Variants in PLA2G10 observed in about 807,000 individuals in gnomAD.
PLA2G10 encodes group 10 secretory phospholipase A2.
Under a neutral mutation model 7.9 loss-of-function variants are expected in PLA2G10, and 9 were observed. The ratio of observed to expected loss-of-function variants is 1.14; its 90% CI spans 0.68 to 1.98. PLA2G10 has a LOEUF of 1.98. Among genes scored for constraint, PLA2G10 ranks in the 30% most tolerant of loss-of-function variants. PLA2G10 has a pLI of 0.00. For synonymous variants in PLA2G10, 19 were observed against 27.5 expected (o/e 0.69, Z 0.97); for missense variants, 53 against 65.4 (o/e 0.81, Z 0.66).
chr16:14,685,678 A>C (rs1961036255), intron 3 of PLA2G10, among the ~76,000 whole-genome samples: 1 of 152,060 alleles, frequency 6.6e-6, no homozygotes, highest in African/African-American at 2.4e-5. Flanking sequence ...ATTTTGTGTT[A>C]TGTCTATTTT....
intron 3 of PLA2G10, among the ~76,000 whole-genome samples, chr16:14,676,671 T>A (rs990983606): frequency 1.9e-4 from 29 of 151,882 alleles, no homozygotes; most frequent in African/African-American, 7.0e-4. Flanking sequence ...AGAACAAGAC[T>A]CCTTCTCAAA....
chr16:14,686,456 T>C (rs1961067648), intron 3 of PLA2G10, among the ~76,000 whole-genome samples: 1 of 152,124 alleles, frequency 6.6e-6, no homozygotes, highest in African/African-American at 2.4e-5. Flanking sequence ...CTTTCTTATT[T>C]ATTTGAAGGG....
At chr16:14,679,993 CT>C (rs1567503737) in intron 3 of PLA2G10, among the ~76,000 whole-genome samples, 2 of 152,112 alleles carry the variant, frequency 1.3e-5, no homozygotes, top group Admixed American at 1.3e-4. Context: ...TATACGTGAC[CT>C]CTTTTTTGTA....
intron 3 of PLA2G10, among the ~76,000 whole-genome samples, chr16:14,681,207 G>T (rs570074588): frequency 6.6e-6 from 1 of 150,474 alleles, no homozygotes; most frequent in East Asian, 2.0e-4. Flanking sequence ...GGAGGGGGGA[G>T]AGAGAGAGAG....
intron 3 of PLA2G10, among the ~76,000 whole-genome samples, chr16:14,679,839 G>A (rs1960838650): frequency 6.6e-6 from 1 of 152,010 alleles, no homozygotes; most frequent in African/African-American, 2.4e-5. Context: ...GACAGATCGA[G>A]ATGGTCACCA....
At chr16:14,675,662 C>G (rs1597006307) in intron 3 of PLA2G10, among the ~76,000 whole-genome samples, 1 of 146,686 alleles carries the variant, frequency 6.8e-6, no homozygotes, top group African/African-American at 2.5e-5. Flanking sequence ...GGCACATGGC[C>G]AGGCACGATG....
intron 3 of PLA2G10, among the ~76,000 whole-genome samples, chr16:14,682,459 C>T (rs1960919607): frequency 6.6e-6 from 1 of 152,020 alleles, no homozygotes; most frequent in Non-Finnish European, 1.5e-5. Context: ...CCTCTAGTCC[C>T]AGCTACTCAG....
rs192235371 is a variant in PLA2G10, at chr16:14,672,564, C to T, written c.*43G>A. 181 of 1,598,326 alleles carry T rather than the reference C, an allele frequency of 1.1e-4. No individual in the cohort carries two copies. In the East Asian group the frequency reaches 1.7e-3, roughly 15 times the overall value. On this transcript the variant is annotated 3_prime_UTR_variant, in exon 4 of 4. Transcript: ENST00000438167. ...ATGCTGTTGTTCATTACTGAGAGGA[C>T]GCTTTATTTCCTTGTGCAAAAGAGC... is the stretch of plus-strand genomic sequence containing the variant.
At chr16:14,678,102 T>A (rs527793501) in intron 3 of PLA2G10, among the ~76,000 whole-genome samples, 98 of 152,062 alleles carry the variant, frequency 6.4e-4, no homozygotes, top group South Asian at 8.3e-4. Flanking sequence ...CTCAGAGAAA[T>A]ATGATGTAGT....
intron 3 of PLA2G10, among the ~76,000 whole-genome samples, chr16:14,681,562 G>T (rs1036059755): frequency 6.6e-6 from 1 of 151,844 alleles, no homozygotes; most frequent in African/African-American, 2.4e-5. Flanking sequence ...TAGCTCCCGA[G>T]GCTTAAGTTT....
At chr16:14,674,598 G>T (rs895863554) in intron 3 of PLA2G10, among the ~76,000 whole-genome samples, 4 of 152,068 alleles carry the variant, frequency 2.6e-5, no homozygotes, top group African/African-American at 9.7e-5. Flanking sequence ...CTGATCGGGA[G>T]GCTAAGGCAG....
chr16:14,684,224 G>A (rs986331065), intron 3 of PLA2G10, among the ~76,000 whole-genome samples: 2 of 151,412 alleles, frequency 1.3e-5, no homozygotes, highest in Non-Finnish European at 2.9e-5. Context: ...AGCCGGGCGT[G>A]GTGGTGCATG....
intron 3 of PLA2G10, among the ~76,000 whole-genome samples, chr16:14,676,838 C>G (rs891007587): frequency 1.3e-5 from 2 of 152,172 alleles, no homozygotes; most frequent in South Asian, 2.1e-4. Context: ...AAGGAAGTTA[C>G]GTCACTTATT....
At chr16:14,683,511 C>T (rs1048487662) in intron 3 of PLA2G10, among the ~76,000 whole-genome samples, 5 of 152,084 alleles carry the variant, frequency 3.3e-5, no homozygotes, top group African/African-American at 1.2e-4. Flanking sequence ...GCTAGGATTA[C>T]AGGTGTGAGC....
intron 3 of PLA2G10, among the ~76,000 whole-genome samples, chr16:14,673,677 TA>T (rs1458005504): frequency 2.0e-5 from 3 of 152,120 alleles, no homozygotes; most frequent in Non-Finnish European, 4.4e-5. Context: ...CCCATAATAA[TA>T]TTTTTTTTAA....
At chr16:14,672,838 A>G in intron 3 of PLA2G10, 89 bp from the exon 4 acceptor site, 2 of 1,296,386 alleles carry the variant, frequency 1.5e-6, no homozygotes, top group Non-Finnish European at 2.2e-6. Flanking sequence ...CGGGTCATAA[A>G]TTACATTTCT....
chr16:14,686,706 G>T (rs1236004925), intron 3 of PLA2G10, among the ~76,000 whole-genome samples: 1 of 152,036 alleles, frequency 6.6e-6, no homozygotes, highest in Non-Finnish European at 1.5e-5. Flanking sequence ...CACCATTGAG[G>T]CTGCTCTCAA....
At chr16:14,675,736 C>T (rs1014005973) in intron 3 of PLA2G10, among the ~76,000 whole-genome samples, 5 of 151,662 alleles carry the variant, frequency 3.3e-5, no homozygotes, top group South Asian at 2.1e-4. Context: ...GTCAGGAGTT[C>T]GAGACCAGCC....
At position 14,674,821 on chromosome 16, in the gene PLA2G10, G is replaced by A. The variant is rs151338518; in HGVS notation, c.356-2072C>T. On this transcript the variant is annotated intron_variant, in intron 3 of 3. Transcript: ENST00000438167. ...ATAAAAGTAGATACATAGACCAACA[G>A]AACAGAATAGAAAACCCAGAAATAA... is the stretch of plus-strand genomic sequence containing the variant. Among the ~76,000 whole-genome samples the A allele has an allele frequency of 7.1e-3, 1,080 of 152,162 alleles. 15 individuals are homozygous for A. Among genetic ancestry groups the A allele is most frequent in the African/African-American group, 0.024 (1,016 of 41,510 alleles).
Sources: allele counts gnomAD v4.1 joint callset (sites outside exome capture counted in the v4.1 genomes callset), GRCh38; gene constraint gnomAD v4.1.1; transcripts MANE v1.5; gene names NCBI Gene and HGNC (gene_info 2026-07-23, HGNC 2026-07-21).